MED13L: variants seen among roughly 807,000 people sequenced by gnomAD.
MED13L encodes the protein mediator of RNA polymerase II transcription subunit 13-like.
Under a neutral mutation model 220.9 loss-of-function variants are expected in MED13L, and 7 were observed. The ratio of observed to expected loss-of-function variants is 0.03; its 90% confidence interval spans 0.02 to 0.06. The LOEUF (loss-of-function observed/expected upper bound fraction) is 0.06, where lower values mean the gene tolerates loss of function less well. Ranked by LOEUF, MED13L falls within the 10% of genes least tolerant of loss-of-function variation. The pLI is 1.00. For synonymous variants in MED13L, 1,011 were observed against 1,015.2 expected (o/e 1.00, Z 0.08); for missense variants, 1,965 against 2,760.5 (o/e 0.71, Z 6.46).
chr12:116,112,214 T>C (rs1041856213), intron 2 of MED13L, among the ~76,000 whole-genome samples: 2 of 152,192 alleles, frequency 1.3e-5, no homozygotes, highest in Non-Finnish European at 2.9e-5. Context: ...TTTTCATAAA[T>C]ATATAAACAG....
At chr12:116,247,662 A>G (rs1474665033) in intron 1 of MED13L, among the ~76,000 whole-genome samples, 1 of 151,964 alleles carries the variant, frequency 6.6e-6, no homozygotes, top group East Asian at 1.9e-4. Flanking sequence ...CCTCCATACA[A>G]TGAGGTCATA....
At chr12:115,996,865 T>C (rs2137329732) in intron 15 of MED13L, 145 bp downstream of exon 15, 1 of 1,030,098 alleles carries the variant, frequency 9.7e-7, no homozygotes, top group East Asian at 2.4e-5. Context: ...TTAATATGCC[T>C]GCTGGTGTGC....
chr12:116,081,605 T>C (rs1358547806), intron 4 of MED13L, among the ~76,000 whole-genome samples: 2 of 152,234 alleles, frequency 1.3e-5, no homozygotes, highest in Non-Finnish European at 2.9e-5. Context: ...ATATTCAGGC[T>C]GGGCACAGTG....
At position 116,080,357 on chromosome 12, in the gene MED13L, T is replaced by C. The variant is rs890981891; in HGVS notation, c.479+16312A>G. 3.3e-5 allele frequency among the ~76,000 whole-genome samples: 5 copies of C among 151,970 alleles called. No individual in the cohort carries two copies. In the East Asian group the frequency reaches 9.6e-4, roughly 29 times the overall value. On this transcript the variant is annotated intron_variant, in intron 4 of 30. Coordinates refer to ENST00000281928, the MANE Select transcript of MED13L (RefSeq NM_015335.5). ...TATAACAATTAGAAGTTCCCCAAGA[T>C]ACTTAAGAAATTTTATTCAAAAGTT...
chr12:116,072,851 T>G (rs1870490010), intron 4 of MED13L, among the ~76,000 whole-genome samples: 2 of 152,222 alleles, frequency 1.3e-5, no homozygotes, highest in African/African-American at 4.8e-5. Flanking sequence ...TTATTACAGA[T>G]GGGCAATCTT....
intron 2 of MED13L, among the ~76,000 whole-genome samples, chr12:116,228,630 TA>T (rs1279187718): frequency 1.3e-5 from 2 of 152,214 alleles, no homozygotes; most frequent in Non-Finnish European, 2.9e-5. Context: ...CTATATAAAA[TA>T]ATGTGAACAG....
intron 21 of MED13L, 25 bp from the exon 22 acceptor site, chr12:115,982,628 T>C (rs1877406765): frequency 6.4e-7 from 1 of 1,567,816 alleles, no homozygotes; most frequent in Non-Finnish European, 8.8e-7. Flanking sequence ...ACTTGTGAGA[T>C]GCACAAAATA....
chr12:116,192,521 T>A (rs1191563219), intron 2 of MED13L, among the ~76,000 whole-genome samples: 1 of 152,156 alleles, frequency 6.6e-6, no homozygotes, highest in East Asian at 1.9e-4. Context: ...AAGGTTTTAT[T>A]CTCTGTAACA....
At chr12:116,268,179 G>A (rs964572852) in intron 1 of MED13L, among the ~76,000 whole-genome samples, 2 of 150,992 alleles carry the variant, frequency 1.3e-5, no homozygotes, top group Non-Finnish European at 2.9e-5. Context: ...GAGGTACACA[G>A]AGGGAGGTAG....
At chr12:115,972,037 A>C (rs1472258654) in intron 26 of MED13L, 41 bp downstream of exon 26, 1 of 1,604,198 alleles carries the variant, frequency 6.2e-7, no homozygotes. Context: ...GACTGAATTG[A>C]TGTGATATGT....
rs200545513 is a variant in MED13L at position 116,008,542 on chromosome 12, G to A, written c.1871C>T (p.Ser624Leu). Reference protein sequence around the residue: ...ETALYCGIRPSNPESSEKWWH... With the variant: ...ETALYCGIRPLNPESSEKWWH... ...CCACTTTTCTGATGACTCCGGGTTC[G>A]AGGGCCTAATCCCACAATATAAGGC... Residue 624 changes from serine to leucine, a missense_variant, in exon 10 of 31, where the codon TCG becomes TTG. Physicochemically the swap from Ser to Leu is moderately radical, Grantham distance 145 (BLOSUM62 -2). Transcript: ENST00000281928. 7.0e-5 allele frequency: 113 copies of A among 1,613,824 alleles called. No homozygotes were observed. Among genetic ancestry groups the A allele is most frequent in the African/African-American group, 8.0e-5 (6 of 74,916 alleles).
At chr12:116,008,322 G>C (rs1879179817) in intron 10 of MED13L, 79 bp downstream of exon 10, 2 of 1,514,410 alleles carry the variant, frequency 1.3e-6, no homozygotes, top group South Asian at 1.3e-5. Context: ...TTTTGAATCT[G>C]AAAGTTTAGC....
chr12:115,994,715 T>G (rs192181804), intron 16 of MED13L, among the ~76,000 whole-genome samples: 2 of 152,352 alleles, frequency 1.3e-5, no homozygotes, highest in Admixed American at 6.5e-5. Context: ...GGCAACTGTA[T>G]GTGCTAAGCT....
intron 15 of MED13L, 56 bp downstream of exon 15, chr12:115,996,954 T>C: frequency 1.3e-6 from 2 of 1,519,082 alleles, no homozygotes; most frequent in Non-Finnish European, 1.8e-6. Flanking sequence ...AGCAGATGTA[T>C]GTGAATCCAC....
At chr12:116,004,468 C>A (rs1484144500) in intron 13 of MED13L, among the ~76,000 whole-genome samples, 3 of 152,026 alleles carry the variant, frequency 2.0e-5, no homozygotes, top group African/African-American at 7.3e-5. Context: ...CTGCTTTCGG[C>A]ATATCAGACT....
intron 16 of MED13L, among the ~76,000 whole-genome samples, chr12:115,993,340 ATAT>A (rs1878190671): frequency 6.6e-6 from 1 of 152,156 alleles, no homozygotes; most frequent in African/African-American, 2.4e-5. Flanking sequence ...CCTTTTATAT[ATAT>A]TAATACTGTA....
At position 116,079,860 on chromosome 12, in the gene MED13L, C is replaced by T. The variant is rs183084200; in HGVS notation, c.479+16809G>A. Among the ~76,000 whole-genome samples, 923 of 152,184 alleles carry T rather than the reference C, an allele frequency of 6.1e-3. 7 individuals carry two copies. The highest frequency in any genetic ancestry group is 0.015 in the South Asian group (74 of 4,816). On this transcript the variant is annotated intron_variant, in intron 4 of 30. Coordinates refer to ENST00000281928, the MANE Select transcript of MED13L (RefSeq NM_015335.5). ...TAAGAATCCACATAAACAAAAGCAT[C>T]CTGGGGTCCTCAATTTTGTTAACAG...
intron 4 of MED13L, among the ~76,000 whole-genome samples, chr12:116,069,308 G>A: frequency 6.6e-6 from 1 of 152,178 alleles, no homozygotes; most frequent in Non-Finnish European, 1.5e-5. Flanking sequence ...TGTTTAGGAA[G>A]ATGAGATTTA....
chr12:116,173,414 G>A (rs566127817), intron 2 of MED13L, among the ~76,000 whole-genome samples: 62 of 152,222 alleles, frequency 4.1e-4, no homozygotes, highest in African/African-American at 1.4e-3. Flanking sequence ...AGAGACAAAG[G>A]TAAGGACATA....
Sources: allele counts gnomAD v4.1 joint callset (sites outside exome capture counted in the v4.1 genomes callset), GRCh38; gene constraint gnomAD v4.1.1; transcripts MANE v1.5; gene names NCBI Gene and HGNC (gene_info 2026-07-23, HGNC 2026-07-21).